KIAA1549L: variants seen among roughly 807,000 people sequenced by gnomAD.
KIAA1549L encodes KIAA1549 like, also known as UPF0606 protein KIAA1549L.
A neutral mutation model predicts 160.7 loss-of-function variants in KIAA1549L; 88 were observed. The observed-to-expected ratio is 0.55, with a 90% CI of 0.46 to 0.65. The LOEUF (loss-of-function observed/expected upper bound fraction) is 0.65, where lower values mean the gene tolerates loss of function less well. Among genes scored for constraint, KIAA1549L ranks in the 30% least tolerant of loss-of-function variants. The pLI is 0.00. For missense variants in KIAA1549L, 2,258 were observed against 2,437.5 expected, an observed-to-expected ratio of 0.93 and a Z score of 1.55; for synonymous variants, 950 against 976.7, an observed-to-expected ratio of 0.97 and a Z score of 0.51.
chr11:33,643,187 ATCATGGG>A (rs1851632687), intron 16 of KIAA1549L, among the ~76,000 whole-genome samples: 2 of 152,078 alleles, frequency 1.3e-5, no homozygotes. Flanking sequence ...TCATTTGGGG[ATCATGGG>A]GTAGGTGGCA....
chr11:33,492,834 C>T (rs201906034), intron 1 of KIAA1549L, among the ~76,000 whole-genome samples: 144 of 152,190 alleles, frequency 9.5e-4, no homozygotes, highest in African/African-American at 3.3e-3. Flanking sequence ...TCAAATCATT[C>T]GGGTAGATCT....
rs182871600 is a variant in KIAA1549L, at chr11:33,656,066, G to T, written c.5815G>T (p.Val1939Leu). Residue 1939 changes from valine (V) to leucine (L), a missense_variant, in exon 18 of 21, where the codon GTA (valine) becomes TTA (leucine). Val to Leu is a conservative substitution (Grantham distance 32, BLOSUM62 1). Transcript: ENST00000658780. ...EMVMGSPPPP[V>L]PPRTGPVAVA... ...GGTCATGGGCTCACCGCCTCCACCC[G>T]TACCTCCCCGGACTGGTCCTGTGGC... The T allele has an allele frequency of 7.3e-5, 118 of 1,613,836 alleles. No individual in the cohort carries two copies. Among genetic ancestry groups the T allele is most frequent in the Non-Finnish European group, 7.8e-5 (92 of 1,179,814 alleles).
intron 1 of KIAA1549L, among the ~76,000 whole-genome samples, chr11:33,443,986 TG>T (rs1369423308): frequency 6.6e-6 from 1 of 152,210 alleles, no homozygotes; most frequent in Non-Finnish European, 1.5e-5. Context: ...CATGTTACCT[TG>T]GAAAGGAATC....
At position 33,669,614 on chromosome 11, in the gene KIAA1549L, C is replaced by T. The variant is rs1328043106; in HGVS notation, c.*1460C>T. ...ATCCATTTTCTTCTGAGCCCATCTT[C>T]CATTGTCCTCAACGAGTTTCTTTGG... On this transcript the variant is annotated 3_prime_UTR_variant, in exon 21 of 21. Coordinates refer to ENST00000658780, the MANE Select transcript of KIAA1549L (RefSeq NM_012194.3). The T allele has an allele frequency of 2.0e-5, 3 of 152,182 alleles. No homozygotes were observed. Among genetic ancestry groups the T allele is most frequent in the Admixed American group, 6.5e-5 (1 of 15,276 alleles). 9.4% of individuals were successfully genotyped at this position (152,182 alleles called of 1,614,324 possible). A position where few individuals can be genotyped will look rare whatever the true frequency, so the allele number is the denominator to read the frequency against.
At chr11:33,652,189 T>C (rs545520180) in intron 17 of KIAA1549L, among the ~76,000 whole-genome samples, 22 of 151,814 alleles carry the variant, frequency 1.4e-4, no homozygotes, top group African/African-American at 5.1e-4. Context: ...TAGCTTCCAA[T>C]GGATTCCTGT....
At chr11:33,610,855 G>T (rs1236634803) in intron 15 of KIAA1549L, among the ~76,000 whole-genome samples, 2 of 152,196 alleles carry the variant, frequency 1.3e-5, no homozygotes, top group South Asian at 4.1e-4. Context: ...CAAGATCAAG[G>T]TGCCAGCATC....
intron 16 of KIAA1549L, among the ~76,000 whole-genome samples, chr11:33,621,709 G>T (rs143633932): frequency 6.6e-6 from 1 of 152,014 alleles, no homozygotes; most frequent in Non-Finnish European, 1.5e-5. Context: ...AATAAAGACC[G>T]AAGTGATTTT....
rs565208648 is a variant in KIAA1549L at position 33,527,592 on chromosome 11, C to T, written c.239-14210C>T. On this transcript the variant is annotated intron_variant, in intron 1 of 20. Coordinates refer to ENST00000658780, the MANE Select transcript of KIAA1549L (RefSeq NM_012194.3). ...AAAAACAAAGATAAATAGATAGGACCTAAGTAAACTAAAAAGCTTCTGCAC... is the reference window on the plus strand; with the variant it reads ...AAAAACAAAGATAAATAGATAGGACTTAAGTAAACTAAAAAGCTTCTGCAC... Among the ~76,000 whole-genome samples the T allele has an allele frequency of 4.8e-4, 73 of 152,174 alleles. No individual in the cohort carries two copies. The South Asian group carries it at 6.8e-3, about 14-fold the overall frequency.
chr11:33,588,918 G>C (rs1849961303), intron 11 of KIAA1549L, among the ~76,000 whole-genome samples: 1 of 152,154 alleles, frequency 6.6e-6, no homozygotes, highest in African/African-American at 2.4e-5. Context: ...AAATAAAAAA[G>C]CCATGTTGGA....
In KIAA1549L at chr11:33,635,956, A is replaced by G. The variant is rs147736441; in HGVS notation, c.5410-9730A>G. On this transcript the variant is annotated intron_variant, in intron 16 of 20. Coordinates refer to ENST00000658780, the MANE Select transcript of KIAA1549L (RefSeq NM_012194.3). ...CTGAAAATATTAAATGGGAAATTCC[A>G]AAGATAATTTATACGTTTTAAATTG... is the stretch of plus-strand genomic sequence containing the variant. Among the ~76,000 whole-genome samples, 424 of 152,334 alleles carry G rather than the reference A, an allele frequency of 2.8e-3. 1 individual carries two copies. Among genetic ancestry groups the G allele is most frequent in the Non-Finnish European group, 4.2e-3 (287 of 68,024 alleles).
At chr11:33,573,447 G>A (rs1002327398) in intron 9 of KIAA1549L, among the ~76,000 whole-genome samples, 4 of 151,982 alleles carry the variant, frequency 2.6e-5, no homozygotes, top group Non-Finnish European at 5.9e-5. Flanking sequence ...TGTTCCTTTT[G>A]CTCAACATCA....
At chr11:33,539,866 G>T (rs1853976019) in intron 1 of KIAA1549L, among the ~76,000 whole-genome samples, 1 of 152,200 alleles carries the variant, frequency 6.6e-6, no homozygotes, top group South Asian at 2.1e-4. Flanking sequence ...GATATGGTCA[G>T]CATCATTAAT....
At chr11:33,434,642 A>G (rs551165666) in intron 1 of KIAA1549L, among the ~76,000 whole-genome samples, 1 of 152,200 alleles carries the variant, frequency 6.6e-6, no homozygotes, top group African/African-American at 2.4e-5. Context: ...ACCAGCAGCC[A>G]TTTGGGTCAC....
chr11:33,548,372 C>T (rs1854337140), intron 4 of KIAA1549L, among the ~76,000 whole-genome samples: 1 of 152,178 alleles, frequency 6.6e-6, no homozygotes, highest in Non-Finnish European at 1.5e-5. Context: ...GCACTCCAGC[C>T]TGGGTGACAG....
chr11:33,410,341 A>C (rs533432292), intron 1 of KIAA1549L, among the ~76,000 whole-genome samples: 10 of 152,306 alleles, frequency 6.6e-5, no homozygotes, highest in Non-Finnish European at 1.5e-4. Context: ...ATGGTAATGC[A>C]TTCCTCCTGG....
chr11:33,584,835 G>GT (rs1855758860), intron 11 of KIAA1549L, among the ~76,000 whole-genome samples: 1 of 152,156 alleles, frequency 6.6e-6, no homozygotes, highest in Non-Finnish European at 1.5e-5. Flanking sequence ...GATTTGGCAG[G>GT]TAGAATCCTC....
chr11:33,641,685 C>A (rs1851591373), intron 16 of KIAA1549L, among the ~76,000 whole-genome samples: 1 of 144,142 alleles, frequency 6.9e-6, no homozygotes, highest in African/African-American at 2.5e-5. Context: ...GTGTTCAAAT[C>A]TCAGTCCTGC....
chr11:33,576,442 TG>T (rs1200034120), intron 10 of KIAA1549L, among the ~76,000 whole-genome samples: 2 of 152,218 alleles, frequency 1.3e-5, no homozygotes, highest in Non-Finnish European at 2.9e-5. Flanking sequence ...TCCCTCCCTG[TG>T]GGCTCCGTCC....
At chr11:33,467,754 A>C (rs536263799) in intron 1 of KIAA1549L, among the ~76,000 whole-genome samples, 7 of 152,320 alleles carry the variant, frequency 4.6e-5, no homozygotes, top group African/African-American at 1.4e-4. Context: ...TTATTTTGAG[A>C]GTGCAGAGGA....
Sources: gnomAD v4.1 joint callset for allele counts (sites outside exome capture counted in the v4.1 genomes callset) on GRCh38, gnomAD v4.1.1 for gene constraint, MANE v1.5 for transcripts, NCBI Gene and HGNC (gene_info 2026-07-23, HGNC 2026-07-21) for gene names.